Variants in IL1RL2 observed in about 807,000 individuals in gnomAD.
The protein encoded by IL1RL2 is interleukin-1 receptor-like 2.
In IL1RL2, 68 loss-of-function variants were observed where a neutral mutation model predicts 66.8. The ratio of observed to expected loss-of-function variants is 1.02; its 90% CI spans 0.84 to 1.25. The LOEUF (loss-of-function observed/expected upper bound fraction) is 1.25. Among genes scored for constraint, IL1RL2 ranks in the 50% most tolerant of loss-of-function variants. The probability of loss-of-function intolerance (pLI) is 0.00; values close to 1 mark genes in which losing one functional copy is unlikely to be tolerated. For synonymous variants in IL1RL2, 305 were observed against 264.6 expected (o/e 1.15, Z -1.48); for missense variants, 729 against 709.3 (o/e 1.03, Z -0.32).
chr2:102,193,582 C>T (rs769108234), intron 4 of IL1RL2, among the ~76,000 whole-genome samples: 54 of 152,082 alleles, frequency 3.6e-4, no homozygotes, highest in Non-Finnish European at 5.3e-4. Context: ...GAACTCCTGG[C>T]CTCAAGTGGT....
At chr2:102,220,359 T>A (rs1689997734) in intron 8 of IL1RL2, among the ~76,000 whole-genome samples, 1 of 152,238 alleles carries the variant, frequency 6.6e-6, no homozygotes, top group Non-Finnish European at 1.5e-5. Flanking sequence ...ATAAATAATT[T>A]GATATAAAGC....
At chr2:102,195,475 C>T (rs1687587888) in intron 4 of IL1RL2, among the ~76,000 whole-genome samples, 2 of 152,012 alleles carry the variant, frequency 1.3e-5, no homozygotes, top group South Asian at 4.1e-4. Context: ...CGTTGCTTTG[C>T]ATGCAACGTA....
Position 102,226,014 on chromosome 2 carries a change from G to A in IL1RL2, c.1108G>A (p.Ala370Thr). ...KIDIVLWYRS[A>T]FHSTETIVDG... is the part of the protein sequence containing the mutation. ...CGACATTGTTCTTTGGTATCGAAGT[G>A]CCTTCCATTCTACAGAGACCATAGT... Residue 370 changes from alanine to threonine, a missense_variant, in exon 9 of 12, where the codon GCC becomes ACC. Physicochemically the swap from Ala to Thr is moderately conservative, Grantham distance 58. Coordinates refer to ENST00000264257, the MANE Select transcript of IL1RL2 (RefSeq NM_003854.4). The A allele has an allele frequency of 6.2e-7, 1 of 1,602,444 alleles. No homozygotes were observed. The highest frequency in any genetic ancestry group is 8.5e-7 in the Non-Finnish European group (1 of 1,174,610).
rs145593572 is a variant in IL1RL2, at chr2:102,204,593, T to C, written c.649+2878T>C. On this transcript the variant is annotated intron_variant, in intron 5 of 11. Transcript: ENST00000264257. ...TTGGGTGTTATATCCTCTTGCTGAA[T>C]TGACCTTTTTATCATTACATAGTGA... Among the ~76,000 whole-genome samples the C allele has an allele frequency of 7.5e-4, 114 of 152,216 alleles. 2 individuals are homozygous for C. Among genetic ancestry groups the C allele is most frequent in the African/African-American group, 2.7e-3 (112 of 41,564 alleles).
intron 4 of IL1RL2, among the ~76,000 whole-genome samples, chr2:102,201,096 G>A (rs1203983015): frequency 1.3e-5 from 2 of 152,130 alleles, no homozygotes; most frequent in East Asian, 3.9e-4. Context: ...GCCATTAAGC[G>A]GGAGTCCACT....
At chr2:102,189,842 T>C (rs1271428502) in intron 3 of IL1RL2, among the ~76,000 whole-genome samples, 1 of 152,252 alleles carries the variant, frequency 6.6e-6, no homozygotes, top group African/African-American at 2.4e-5. Flanking sequence ...TTAGTAGAGA[T>C]GGGGTTTCAC....
chr2:102,205,563 C>T (rs1389035267), intron 5 of IL1RL2, among the ~76,000 whole-genome samples: 1 of 152,162 alleles, frequency 6.6e-6, no homozygotes, highest in Non-Finnish European at 1.5e-5. Context: ...TCATGCCACT[C>T]CTGGCCTATA....
In IL1RL2 at chr2:102,224,873, AT is replaced by A. The variant is rs929133103; in HGVS notation, c.992-1018del. Reference sequence around the variant, plus strand: ...TGTGCAACTATTATGTACCTATAAAATTTTTTTAAAATTAAAGTGCTCTAGA... The same window carrying A: ...TGTGCAACTATTATGTACCTATAAAATTTTTTAAAATTAAAGTGCTCTAGA... On this transcript the variant is annotated intron_variant, in intron 8 of 11. Coordinates refer to ENST00000264257, the MANE Select transcript of IL1RL2 (RefSeq NM_003854.4). Among the ~76,000 whole-genome samples, 103 of 152,210 alleles carry A rather than the reference AT, an allele frequency of 6.8e-4. 2 individuals carry two copies. Among genetic ancestry groups the A allele is most frequent in the African/African-American group, 2.4e-3 (100 of 41,514 alleles).
At chr2:102,231,144 G>T (rs1691089544) in intron 9 of IL1RL2, among the ~76,000 whole-genome samples, 1 of 152,162 alleles carries the variant, frequency 6.6e-6, no homozygotes, top group African/African-American at 2.4e-5. Flanking sequence ...CTCTGGCCCT[G>T]CTGAAGTCCT....
chr2:102,195,627 T>TTCTCTC lies in IL1RL2; in HGVS notation c.489+3523_489+3528dup, dbSNP rs1159940295. Among the ~76,000 whole-genome samples the TTCTCTC allele has an allele frequency of 5.9e-3, 87 of 14,634 alleles. 9 individuals carry two copies. Among genetic ancestry groups the TTCTCTC allele is most frequent in the Non-Finnish European group, 0.013 (79 of 6,110 alleles). 9.6% of individuals were successfully genotyped at this position (14,634 alleles called of 152,430 possible). On this transcript the variant is annotated intron_variant, in intron 4 of 11. Coordinates refer to ENST00000264257, the MANE Select transcript of IL1RL2 (RefSeq NM_003854.4). ...TTTCTTTCTTTCTTTCTTTCTTTCT[T>TTCTCTC]TCTCTCTCTCTCTCTCTCTCTTTCT...
At chr2:102,192,789 C>A (rs1050716986) in intron 4 of IL1RL2, among the ~76,000 whole-genome samples, 1 of 152,128 alleles carries the variant, frequency 6.6e-6, no homozygotes, top group African/African-American at 2.4e-5. Context: ...TGCCAGCACA[C>A]CCCTCTGGGT....
At position 102,188,505 on chromosome 2, in the gene IL1RL2, G is replaced by T. The variant is rs13417453; in HGVS notation, c.59-571G>T. Among the ~76,000 whole-genome samples the T allele has an allele frequency of 5.2e-3, 791 of 151,216 alleles. 7 individuals carry two copies. Among genetic ancestry groups the T allele is most frequent in the African/African-American group, 0.018 (731 of 41,218 alleles). ...CAAGAGGCTGAGGCAGGAGAATGGCGTGAACTCGGGAGGCGGAGCTTGCAG... is the reference window on the plus strand; with the variant it reads ...CAAGAGGCTGAGGCAGGAGAATGGCTTGAACTCGGGAGGCGGAGCTTGCAG... On this transcript the variant is annotated intron_variant, in intron 2 of 11. Transcript: ENST00000264257.
chr2:102,201,322 T>G (rs1688233521), intron 4 of IL1RL2, among the ~76,000 whole-genome samples: 1 of 152,134 alleles, frequency 6.6e-6, no homozygotes. Flanking sequence ...TACACACACA[T>G]GCACATATAT....
rs1197078898 is a variant in IL1RL2 at position 102,195,613 on chromosome 2, C to CTT, written c.489+3495_489+3496dup. On this transcript the variant is annotated intron_variant, in intron 4 of 11. Coordinates refer to ENST00000264257, the MANE Select transcript of IL1RL2 (RefSeq NM_003854.4). Reference sequence around the variant, plus strand: ...TCTTTCTTTCTTTCTTTCTTTCTTTCTTTCTTTCTTTCTTTCTCTCTCTCT... The same window carrying CTT: ...TCTTTCTTTCTTTCTTTCTTTCTTTCTTTTTCTTTCTTTCTTTCTCTCTCTCT... Among the ~76,000 whole-genome samples the CTT allele has an allele frequency of 7.0e-3, 130 of 18,592 alleles. 2 individuals are homozygous for CTT. The highest frequency in any genetic ancestry group is 0.017 in the African/African-American group (128 of 7,470). The allele number at this position is 18,592 out of a possible 152,430, so 12.2% of individuals were successfully genotyped here. A position where few individuals can be genotyped will look rare whatever the true frequency, so the allele number is the denominator to read the frequency against.
intron 1 of IL1RL2, 62 bp from the exon 2 acceptor site, chr2:102,187,794 C>G: frequency 7.0e-7 from 1 of 1,431,224 alleles, no homozygotes; most frequent in Non-Finnish European, 9.9e-7. Flanking sequence ...GTCGCCCACG[C>G]CGGCGCCTCG....
chr2:102,235,116 A>G lies in IL1RL2; in HGVS notation c.1517A>G (p.Gln506Arg). ...CCAGAGTCAATTCAGTACATCAAACAGAAGCATGGTGCCATCCGGTGGCAT... is the reference window on the plus strand; with the variant it reads ...CCAGAGTCAATTCAGTACATCAAACGGAAGCATGGTGCCATCCGGTGGCAT... ...VMPESIQYIK[Q>R]KHGAIRWHGD... Residue 506 changes from glutamine to arginine, a missense_variant, in exon 11 of 12, where the codon CAG becomes CGG. Transcript: ENST00000264257. 6.2e-7 allele frequency: 1 copy of G among 1,614,252 alleles called. No individual in the cohort carries two copies. Among genetic ancestry groups the G allele is most frequent in the Non-Finnish European group, 8.5e-7 (1 of 1,180,046 alleles).
At chr2:102,188,363 T>A (rs952433339) in intron 2 of IL1RL2, among the ~76,000 whole-genome samples, 1 of 151,996 alleles carries the variant, frequency 6.6e-6, no homozygotes, top group Non-Finnish European at 1.5e-5. Flanking sequence ...GGCGGGCGGA[T>A]CACGAGGTCA....
intron 5 of IL1RL2, among the ~76,000 whole-genome samples, chr2:102,206,768 A>G (rs1395595234): frequency 6.6e-6 from 1 of 152,200 alleles, no homozygotes; most frequent in East Asian, 1.9e-4. Context: ...CTGGTGCTCT[A>G]CAATCAGCCG....
At chr2:102,187,215 GC>G in intron 1 of IL1RL2, 129 bp downstream of exon 1, 1 of 1,209,670 alleles carries the variant, frequency 8.3e-7, no homozygotes, top group East Asian at 5.9e-5. Context: ...CCCCAGGCCG[GC>G]CCCCGACCGG....
Sources: gnomAD v4.1 joint callset for allele counts (sites outside exome capture counted in the v4.1 genomes callset) on GRCh38, gnomAD v4.1.1 for gene constraint, MANE v1.5 for transcripts, NCBI Gene and HGNC (gene_info 2026-07-23, HGNC 2026-07-21) for gene names.